Variants in GRHL2 observed in about 807,000 individuals in gnomAD.
GRHL2 encodes grainyhead-like protein 2 homolog.
A neutral mutation model predicts 83.8 loss-of-function variants in GRHL2; 21 were observed. That is an observed-to-expected ratio of 0.25 (90% confidence interval 0.18 to 0.36). The LOEUF is 0.36. Among genes scored for constraint, GRHL2 ranks in the 10% least tolerant of loss-of-function variants. The pLI, the probability that GRHL2 is intolerant of heterozygous loss-of-function variation, is 1.00. For missense variants in GRHL2, 623 were observed against 781.8 expected, an observed-to-expected ratio of 0.80 and a Z score of 2.42; for synonymous variants, 280 against 278.9, an observed-to-expected ratio of 1.00 and a Z score of -0.04.
chr8:101,496,988 G>A (rs1810120392), intron 1 of GRHL2, among the ~76,000 whole-genome samples: 1 of 152,184 alleles, frequency 6.6e-6, no homozygotes, highest in Non-Finnish European at 1.5e-5. Context: ...ACTCAAAACA[G>A]TCAAAATTAT....
intron 1 of GRHL2, among the ~76,000 whole-genome samples, chr8:101,514,961 C>T (rs1316335344): frequency 6.7e-6 from 1 of 150,220 alleles, no homozygotes; most frequent in African/African-American, 2.5e-5. Flanking sequence ...CCTTTCCTTT[C>T]TTTCCCTTCC....
In GRHL2 at chr8:101,612,504, G is replaced by GATAC. The variant is rs1479599143; in HGVS notation, c.1099-7032_1099-7031insCATA. 1.3e-3 allele frequency among the ~76,000 whole-genome samples: 159 copies of GATAC among 125,960 alleles called. 3 individuals carry two copies. In the East Asian group the frequency reaches 0.021, roughly 16 times the overall value. 82.6% of individuals were successfully genotyped at this position (125,960 alleles called of 152,430 possible). On this transcript the variant is annotated intron_variant, in intron 8 of 15. Transcript: ENST00000646743. ...GATTAGATAGATAGATAGATAGATAGATAGATAGATAGATAGATACATACA... is the reference window on the plus strand; with the variant it reads ...GATTAGATAGATAGATAGATAGATAGATACATAGATAGATAGATAGATACATACA...
intron 9 of GRHL2, among the ~76,000 whole-genome samples, chr8:101,628,463 G>C (rs1335021247): frequency 1.3e-5 from 2 of 152,022 alleles, no homozygotes; most frequent in African/African-American, 4.8e-5. Flanking sequence ...TCACCCAAGA[G>C]CTCTGATGGG....
intron 11 of GRHL2, 127 bp downstream of exon 11, chr8:101,632,492 A>G: frequency 2.7e-6 from 3 of 1,130,670 alleles, no homozygotes; most frequent in South Asian, 2.5e-5. Context: ...AGAAAAAGTC[A>G]ATGTCATTCC....
At chr8:101,529,934 G>GT (rs1554583552) in intron 1 of GRHL2, among the ~76,000 whole-genome samples, 2 of 152,152 alleles carry the variant, frequency 1.3e-5, no homozygotes, top group Non-Finnish European at 2.9e-5. Context: ...TTAAGCTCAT[G>GT]TTTTTTGTCT....
intron 8 of GRHL2, among the ~76,000 whole-genome samples, chr8:101,614,307 T>C (rs936782541): frequency 1.3e-5 from 2 of 151,182 alleles, no homozygotes; most frequent in African/African-American, 4.9e-5. Flanking sequence ...AGAAACAATC[T>C]TTATCTGAAT....
At chr8:101,611,987 C>T (rs879915875) in intron 8 of GRHL2, among the ~76,000 whole-genome samples, 1 of 150,732 alleles carries the variant, frequency 6.6e-6, no homozygotes, top group Non-Finnish European at 1.5e-5. Context: ...TCTTCTTCTT[C>T]TTTCTCTTTT....
At chr8:101,651,311 A>G (rs779164049) in intron 14 of GRHL2, among the ~76,000 whole-genome samples, 1 of 152,238 alleles carries the variant, frequency 6.6e-6, no homozygotes, top group Non-Finnish European at 1.5e-5. Flanking sequence ...GCTTAAATGC[A>G]TATTCTCTGA....
chr8:101,654,469 C>T (rs1391222888), intron 14 of GRHL2, among the ~76,000 whole-genome samples: 1 of 152,308 alleles, frequency 6.6e-6, no homozygotes, highest in Non-Finnish European at 1.5e-5. Context: ...CATTGGAGAA[C>T]CTGCTGTTAT....
chr8:101,638,004 C>T (rs1449535883), intron 12 of GRHL2, among the ~76,000 whole-genome samples: 15 of 152,112 alleles, frequency 9.9e-5, no homozygotes, highest in Admixed American at 9.8e-4. Context: ...TGTTCTGAAC[C>T]ACATAAGTTG....
intron 1 of GRHL2, among the ~76,000 whole-genome samples, chr8:101,508,033 G>T (rs541591592): frequency 6.6e-6 from 1 of 152,006 alleles, no homozygotes; most frequent in Non-Finnish European, 1.5e-5. Context: ...AGATCCACCC[G>T]CCTTGAACTC....
intron 7 of GRHL2, among the ~76,000 whole-genome samples, chr8:101,586,065 CTTTTTTTTTT>C (rs67985027): frequency 0.011 from 1,008 of 94,390 alleles, 38 homozygotes; most frequent in South Asian, 0.032. Flanking sequence ...CCTCATGTTT[CTTTTTTTTTT>C]TTTTTTTTTT....
Position 101,669,644 on chromosome 8 carries a change from A to T in GRHL2, c.*2941A>T, listed in dbSNP as rs1297365029. The T allele has an allele frequency of 6.6e-6, 1 of 152,496 alleles. No homozygotes were observed. Among genetic ancestry groups the T allele is most frequent in the African/African-American group, 2.4e-5 (1 of 41,404 alleles). The allele number at this position is 152,496 out of a possible 1,614,324, so 9.4% of individuals were successfully genotyped here. A position where few individuals can be genotyped will look rare whatever the true frequency, so the allele number is the denominator to read the frequency against. The stretch of plus-strand genomic sequence containing the variant: ...TAGTTTTGTAAATGGGAGAGGGGGA[A>T]TCTATAAACTATAAATACAGTTATT... On this transcript the variant is annotated 3_prime_UTR_variant, in exon 16 of 16. Coordinates refer to ENST00000646743, the MANE Select transcript of GRHL2 (RefSeq NM_024915.4).
intron 8 of GRHL2, among the ~76,000 whole-genome samples, chr8:101,612,508 GATAGATAGATAGATACATACATAC>G (rs1443367883): frequency 1.9e-4 from 24 of 128,658 alleles, no homozygotes; most frequent in South Asian, 1.3e-3. Flanking sequence ...TAGATAGATA[GATAGATAGATAGATACATACATAC>G]ATACATACAT....
chr8:101,676,538 G>A, the GRHL2 span, among the ~76,000 whole-genome samples: 2,194 of 152,106 alleles, frequency 0.014, 59 homozygotes, highest in African/African-American at 0.05. Context: ...TTAGAATGGC[G>A]ATCATTCAAA....
At chr8:101,615,565 A>G (rs929103280) in intron 8 of GRHL2, among the ~76,000 whole-genome samples, 1 of 152,218 alleles carries the variant, frequency 6.6e-6, no homozygotes, top group African/African-American at 2.4e-5. Context: ...ATCTCTATGA[A>G]GCACATGGCC....
intron 14 of GRHL2, among the ~76,000 whole-genome samples, chr8:101,650,392 C>T (rs904075570): frequency 1.3e-5 from 2 of 151,978 alleles, no homozygotes; most frequent in African/African-American, 4.8e-5. Flanking sequence ...GTAAATATAC[C>T]ACATTTTGTA....
chr8:101,644,879 G>C (rs950382669), intron 13 of GRHL2, among the ~76,000 whole-genome samples: 3 of 148,558 alleles, frequency 2.0e-5, no homozygotes, highest in Non-Finnish European at 4.4e-5. Flanking sequence ...ACAGGGTCTT[G>C]CTCTGTCACC....
At position 101,643,369 on chromosome 8, in the gene GRHL2, CAAAAAAA is replaced by C. The variant is rs56301334; in HGVS notation, c.1518-741_1518-735del. ...CTATCCTCTTAGTTTCTGTTTCTCT[CAAAAAAA>C]AAAAAAAAAAAAAAAAAAAATCCTC... On this transcript the variant is annotated intron_variant, in intron 12 of 15. Transcript: ENST00000646743. Among the ~76,000 whole-genome samples, 395 of 96,968 alleles carry C rather than the reference CAAAAAAA, an allele frequency of 4.1e-3. 2 individuals carry two copies. Among genetic ancestry groups the C allele is most frequent in the African/African-American group, 0.012 (341 of 27,624 alleles). The allele number at this position is 96,968 out of a possible 152,430, so 63.6% of individuals were successfully genotyped here.
Sources: allele counts gnomAD v4.1 joint callset (sites outside exome capture counted in the v4.1 genomes callset), GRCh38; gene constraint gnomAD v4.1.1; transcripts MANE v1.5; gene names NCBI Gene and HGNC (gene_info 2026-07-23, HGNC 2026-07-21).